Variants in CREB5 observed in about 807,000 individuals in gnomAD.
CREB5 encodes the protein cyclic AMP-responsive element-binding protein 5.
A neutral mutation model predicts 57.1 loss-of-function variants in CREB5; 19 were observed. The observed-to-expected ratio is 0.33, with a 90% CI of 0.23 to 0.49. CREB5 has a LOEUF of 0.49. Among genes scored for constraint, CREB5 ranks in the 20% least tolerant of loss-of-function variants. The pLI is 0.99. For missense variants in CREB5, 579 were observed against 671.6 expected (o/e 0.86, Z 1.52); for synonymous variants, 238 against 238.3 (o/e 1.00, Z 0.01).
At chr7:28,364,169 T>A (rs1414887567) in intron 1 of CREB5, among the ~76,000 whole-genome samples, 2 of 152,200 alleles carry the variant, frequency 1.3e-5, no homozygotes, top group Middle Eastern at 3.2e-3. Flanking sequence ...TTTCTTCAAT[T>A]GGGTGTTAAA....
intron 5 of CREB5, among the ~76,000 whole-genome samples, chr7:28,646,451 C>T (rs1798892354): frequency 6.6e-6 from 1 of 152,192 alleles, no homozygotes; most frequent in African/African-American, 2.4e-5. Flanking sequence ...TTTGAAGGAA[C>T]AATTTGAGGT....
chr7:28,618,323 G>A (rs1488861382), intron 5 of CREB5, among the ~76,000 whole-genome samples: 4 of 152,126 alleles, frequency 2.6e-5, no homozygotes, highest in Non-Finnish European at 5.9e-5. Context: ...AGGAGGAGAT[G>A]CTTTAAAAAT....
chr7:28,612,777 T>C (rs1797445381), intron 5 of CREB5, among the ~76,000 whole-genome samples: 1 of 152,092 alleles, frequency 6.6e-6, no homozygotes, highest in African/African-American at 2.4e-5. Flanking sequence ...AAATTACCTG[T>C]CAGTAGGATT....
At chr7:28,673,278 A>G (rs1205801237) in intron 5 of CREB5, among the ~76,000 whole-genome samples, 3 of 152,170 alleles carry the variant, frequency 2.0e-5, no homozygotes, top group African/African-American at 4.8e-5. Flanking sequence ...ACACATTCTA[A>G]AAGGACCTCC....
chr7:28,579,094 G>A (rs143606668), intron 5 of CREB5, among the ~76,000 whole-genome samples: 1 of 152,168 alleles, frequency 6.6e-6, no homozygotes, highest in Non-Finnish European at 1.5e-5. Context: ...CTTTGAACAG[G>A]CTTCTTTACC....
At chr7:28,632,925 T>A (rs310352) in intron 5 of CREB5, among the ~76,000 whole-genome samples, 57,076 of 152,026 alleles carry the variant, frequency 0.38, 11,153 homozygotes, top group African/African-American at 0.47. Context: ...TCACCCTGAG[T>A]CGCTAGTTTG....
intron 1 of CREB5, among the ~76,000 whole-genome samples, chr7:28,390,268 G>A (rs76839406): frequency 0.022 from 3,384 of 152,242 alleles, 130 homozygotes; most frequent in African/African-American, 0.076. Context: ...TTGCTCTGCT[G>A]TGTGAAAGCT....
At position 28,719,201 on chromosome 7, in the gene CREB5, C is replaced by T. The variant is rs1583608389; in HGVS notation, c.591+322C>T. Among the ~76,000 whole-genome samples, 3 of 152,290 alleles carry T rather than the reference C, an allele frequency of 2.0e-5. No homozygotes were observed. In the East Asian group the frequency reaches 5.8e-4, roughly 29 times the overall value. ...CAAAGTCTACAGTTTGGGCTGTATA[C>T]AGAGTGTCCTTAAATTGCCAGTGAG... On this transcript the variant is annotated intron_variant, in intron 6 of 10. Transcript: ENST00000357727.
intron 1 of CREB5, among the ~76,000 whole-genome samples, chr7:28,432,402 C>T (rs1484598969): frequency 6.6e-6 from 1 of 152,168 alleles, no homozygotes; most frequent in Non-Finnish European, 1.5e-5. Context: ...CGCTCGTACG[C>T]AGTTTTGTGG....
intron 1 of CREB5, among the ~76,000 whole-genome samples, chr7:28,456,574 C>T (rs1790102040): frequency 6.6e-6 from 1 of 152,194 alleles, no homozygotes; most frequent in African/African-American, 2.4e-5. Context: ...AGCCAAGAGG[C>T]TGCTTCTAAA....
intron 7 of CREB5, among the ~76,000 whole-genome samples, chr7:28,738,165 T>C (rs1364071383): frequency 6.6e-6 from 1 of 152,228 alleles, no homozygotes; most frequent in Non-Finnish European, 1.5e-5. Context: ...TGCAAATTAC[T>C]TTGAATTATC....
intron 7 of CREB5, among the ~76,000 whole-genome samples, chr7:28,802,169 G>A (rs1403010792): frequency 1.3e-5 from 2 of 150,392 alleles, no homozygotes; most frequent in African/African-American, 4.9e-5. Context: ...ACTTCTTCAG[G>A]ATTATGAAGG....
intron 5 of CREB5, among the ~76,000 whole-genome samples, chr7:28,672,178 AAAAAAAAAAAAC>A (rs1472897383): frequency 1.2e-4 from 5 of 43,330 alleles, no homozygotes; most frequent in East Asian, 1.4e-3. Context: ...TATTATGGAA[AAAAAAAAAAAAC>A]ACACACACAC....
intron 1 of CREB5, among the ~76,000 whole-genome samples, chr7:28,420,292 C>T (rs773832248): frequency 2.6e-5 from 4 of 151,942 alleles, no homozygotes; most frequent in Non-Finnish European, 5.9e-5. Context: ...TAAGCACAAA[C>T]GTGGTTGTAT....
intron 1 of CREB5, among the ~76,000 whole-genome samples, chr7:28,325,889 G>A (rs1785590230): frequency 6.6e-6 from 1 of 152,138 alleles, no homozygotes; most frequent in Non-Finnish European, 1.5e-5. Context: ...CCAAACTTGG[G>A]TATTAGGAAT....
At chr7:28,586,623 C>CA (rs1265059966) in intron 5 of CREB5, among the ~76,000 whole-genome samples, 2 of 152,208 alleles carry the variant, frequency 1.3e-5, no homozygotes, top group Non-Finnish European at 2.9e-5. Flanking sequence ...CATTCACCAG[C>CA]AAGCATTTTC....
intron 1 of CREB5, among the ~76,000 whole-genome samples, chr7:28,344,565 T>C (rs1283502205): frequency 6.6e-6 from 1 of 152,236 alleles, no homozygotes; most frequent in African/African-American, 2.4e-5. Context: ...TGGTATATTT[T>C]GAAGTCAGGT....
At chr7:28,461,231 G>GAA (rs34364190) in intron 1 of CREB5, among the ~76,000 whole-genome samples, 4 of 140,702 alleles carry the variant, frequency 2.8e-5, no homozygotes, top group South Asian at 2.3e-4. Context: ...CTCTGCCTCT[G>GAA]AAAAAAAAAA....
intron 1 of CREB5, among the ~76,000 whole-genome samples, chr7:28,376,776 G>A (rs1786838845): frequency 2.0e-5 from 3 of 152,158 alleles, no homozygotes; most frequent in Admixed American, 1.3e-4. Context: ...AATATGAGCT[G>A]TCTTCTTGGA....
Sources: allele counts gnomAD v4.1 joint callset (sites outside exome capture counted in the v4.1 genomes callset), GRCh38; gene constraint gnomAD v4.1.1; transcripts MANE v1.5; gene names NCBI Gene and HGNC (gene_info 2026-07-23, HGNC 2026-07-21).